The following ARVCF variants were observed in gnomAD, a reference collection of about 807,000 sequenced individuals.
ARVCF encodes splicing regulator ARVCF.
A neutral mutation model predicts 90.9 loss-of-function variants in ARVCF; 66 were observed. The observed-to-expected ratio is 0.73, with a 90% CI of 0.60 to 0.89. ARVCF has a LOEUF of 0.89. ARVCF is among the 40% of genes least tolerant of loss of function. ARVCF has a pLI of 0.00. For synonymous variants in ARVCF, 653 were observed against 603.4 expected (o/e 1.08, Z -1.21); for missense variants, 1,469 against 1,382.3 (o/e 1.06, Z -1.00).
intron 3 of ARVCF, among the ~76,000 whole-genome samples, chr22:19,983,312 C>G (rs1177603464): frequency 6.6e-6 from 1 of 152,250 alleles, no homozygotes; most frequent in Non-Finnish European, 1.5e-5. Flanking sequence ...GGGGCCTGCA[C>G]AGACACTAAG....
In ARVCF at chr22:19,990,753, G is replaced by A. The variant is rs758598767; in HGVS notation, c.42C>T (p.Ala14=). The A allele has an allele frequency of 3.8e-6, 6 of 1,588,062 alleles. No homozygotes were observed. The highest frequency in any genetic ancestry group is 5.1e-6 in the Non-Finnish European group (6 of 1,166,742). The change falls in exon 3 of 20, where the codon GCC becomes GCT. Residue 14 remains alanine, a synonymous_variant. Coordinates refer to ENST00000263207, the MANE Select transcript of ARVCF (RefSeq NM_001670.3). The part of the protein sequence containing the change: ...CNVHSAASIL[A]SVKEQEARFE... ...AGCGGGCCTCCTGCTCCTTCACCGA[G>A]GCCAGGATGCTGGCGGCCGAGTGCA... is the stretch of plus-strand genomic sequence containing the variant.
In ARVCF at chr22:19,990,730, C is replaced by A. The variant is rs186539515; in HGVS notation, c.65G>T (p.Arg22Leu). The change falls in exon 3 of 20, where the codon CGC becomes CTC. Residue 22 changes from arginine to leucine, a missense_variant. Transcript: ENST00000263207. ...ILASVKEQEA[R>L]FERLTRALEQ... ...CAGTGCCCGTGTCAGCCTCTCGAAG[C>A]GGGCCTCCTGCTCCTTCACCGAGGC... 1 of 1,592,952 alleles carries A rather than the reference C, an allele frequency of 6.3e-7. No individual in the cohort carries two copies. Among genetic ancestry groups the A allele is most frequent in the Non-Finnish European group, 8.6e-7 (1 of 1,169,366 alleles).
rs1943984672 is a variant in ARVCF at position 19,990,498 on chromosome 22, G to A, written c.210+87C>T. On this transcript the variant is annotated intron_variant, in intron 3 of 19. Coordinates refer to ENST00000263207, the MANE Select transcript of ARVCF (RefSeq NM_001670.3). ...CCCCAGCAAATCTTGCAATAAGCGA[G>A]CGCATGCTGGCTTGTGGTCCACCAG... The A allele has an allele frequency of 8.3e-6, 12 of 1,439,812 alleles. No homozygotes were observed. In the Admixed American group the frequency reaches 2.5e-4, roughly 30 times the overall value. The allele number at this position is 1,439,812 out of a possible 1,614,324, so 89.2% of individuals were successfully genotyped here. A position where few individuals can be genotyped will look rare whatever the true frequency, so the allele number is the denominator to read the frequency against.
At position 19,971,324 on chromosome 22, in the gene ARVCF, G is replaced by T. The variant is rs1472630610; in HGVS notation, c.2793C>A (p.Ser931Arg). ...TGGGCCCGGGGGGAGGGGCCTTCCTGCTGGGGTCGAGCTGCAGCGCACGGG... is the reference window on the plus strand; with the variant it reads ...TGGGCCCGGGGGGAGGGGCCTTCCTTCTGGGGTCGAGCTGCAGCGCACGGG... ...SEKEPLKLDP[S>R]RKAPPPGPSR... The change falls in exon 19 of 20, where the codon AGC (serine) becomes AGA (arginine). Residue 931 changes from serine to arginine, a missense_variant. Coordinates refer to ENST00000263207, the MANE Select transcript of ARVCF (RefSeq NM_001670.3). 2 of 1,554,122 alleles carry T rather than the reference G, an allele frequency of 1.3e-6. No homozygotes were observed. The highest frequency in any genetic ancestry group is 1.7e-6 in the Non-Finnish European group (2 of 1,148,770).
intron 2 of ARVCF, among the ~76,000 whole-genome samples, chr22:19,993,804 G>A (rs1415596122): frequency 6.6e-6 from 1 of 152,228 alleles, no homozygotes; most frequent in Non-Finnish European, 1.5e-5. Flanking sequence ...GAACTGAAGG[G>A]GGGCTGGAAA....
intron 2 of ARVCF, among the ~76,000 whole-genome samples, chr22:20,007,553 G>T (rs1454391269): frequency 6.6e-6 from 1 of 152,242 alleles, no homozygotes; most frequent in East Asian, 1.9e-4. Context: ...AATTCCCAAC[G>T]CAACAGTGTT....
chr22:19,965,991 C>A (rs1336834903), downstream of ARVCF, among the ~76,000 whole-genome samples: 2 of 152,230 alleles, frequency 1.3e-5, no homozygotes, highest in Non-Finnish European at 2.9e-5. Flanking sequence ...TGCGTTACTG[C>A]GGCCGAGTTT....
intron 3 of ARVCF, 41 bp from the exon 4 acceptor site, chr22:19,982,132 A>C: frequency 6.2e-7 from 1 of 1,601,232 alleles, no homozygotes; most frequent in Non-Finnish European, 8.5e-7. Context: ...CCTGCTGCTC[A>C]GTCACCCCTG....
intron 18 of ARVCF, 88 bp from the exon 19 acceptor site, chr22:19,971,423 G>C: frequency 1.4e-6 from 2 of 1,442,118 alleles, no homozygotes; most frequent in Non-Finnish European, 1.8e-6. Flanking sequence ...GGCCGAGGCT[G>C]GCGATGTAAG....
intron 3 of ARVCF, 125 bp from the exon 4 acceptor site, chr22:19,982,216 G>A: frequency 7.5e-7 from 1 of 1,337,684 alleles, no homozygotes. Flanking sequence ...CTTCCTCCTG[G>A]TCCTGAACCC....
At chr22:19,982,859 G>A (rs1943580043) in intron 3 of ARVCF, among the ~76,000 whole-genome samples, 1 of 152,236 alleles carries the variant, frequency 6.6e-6, no homozygotes, top group Non-Finnish European at 1.5e-5. Context: ...CAGTAGATTT[G>A]AGCCTATGGG....
chr22:19,979,658 C>A, intron 6 of ARVCF, 85 bp downstream of exon 6: 1 of 1,469,462 alleles, frequency 6.8e-7, no homozygotes, highest in Non-Finnish European at 9.0e-7. Flanking sequence ...CAGGCGGTCG[C>A]AGGCCGAGTG....
At chr22:19,971,844 G>A in intron 18 of ARVCF, 42 bp downstream of exon 18, 1 of 1,601,860 alleles carries the variant, frequency 6.2e-7, no homozygotes, top group Non-Finnish European at 8.5e-7. Flanking sequence ...CCTAGACACG[G>A]GGCCTCACCG....
chr22:19,967,452 C>T (rs779351993), downstream of ARVCF: 1 of 464,394 alleles, frequency 2.2e-6, no homozygotes, highest in South Asian at 1.6e-5. Context: ...TCCTGCTCAA[C>T]TCCGGACCTT....
At chr22:19,980,521 T>C (rs1320415731) in intron 5 of ARVCF, 1 of 415,892 alleles carries the variant, frequency 2.4e-6, no homozygotes, top group Non-Finnish European at 4.2e-6. Context: ...CACCGGGCAG[T>C]TTCCCAATCC....
At chr22:19,975,857 G>C in intron 10 of ARVCF, 100 bp from the exon 11 acceptor site, 1 of 1,250,442 alleles carries the variant, frequency 8.0e-7, no homozygotes, top group Non-Finnish European at 1.2e-6. Context: ...GCCCCAAAAG[G>C]CACCCCCATG....
intron 1 of ARVCF, 24 bp from the exon 2 acceptor site, chr22:20,010,532 A>G (rs1944788258): frequency 6.6e-6 from 1 of 152,232 alleles, no homozygotes; most frequent in Non-Finnish European, 1.5e-5. Flanking sequence ...AGAGGGCATG[A>G]GTGAGGTCAA....
chr22:20,013,437 G>A (rs1404039699), intron 1 of ARVCF, among the ~76,000 whole-genome samples: 2 of 152,196 alleles, frequency 1.3e-5, no homozygotes, highest in Non-Finnish European at 2.9e-5. Context: ...TGGGGGTACC[G>A]AGGGGCCTTG....
intron 1 of ARVCF, among the ~76,000 whole-genome samples, chr22:20,015,811 G>C (rs2531698): frequency 1.3e-5 from 2 of 152,210 alleles, no homozygotes; most frequent in African/African-American, 4.8e-5. Context: ...TAGGGAAAGG[G>C]AGCTGAAGTC....
Sources: allele counts gnomAD v4.1 joint callset (sites outside exome capture counted in the v4.1 genomes callset), GRCh38; gene constraint gnomAD v4.1.1; transcripts MANE v1.5; gene names NCBI Gene and HGNC (gene_info 2026-07-23, HGNC 2026-07-21).